CHN2: variants seen among roughly 807,000 people sequenced by gnomAD.
CHN2 encodes chimerin 2, also known as beta-chimaerin.
A neutral mutation model predicts 56.3 loss-of-function variants in CHN2; 35 were observed. The observed-to-expected ratio is 0.62, with a 90% CI of 0.47 to 0.82. The LOEUF is 0.82. CHN2 is among the 40% of genes least tolerant of loss of function. The probability of loss-of-function intolerance (pLI) is 0.00; values close to 1 mark genes in which losing one functional copy is unlikely to be tolerated. For synonymous variants in CHN2, 210 were observed against 212.8 expected (o/e 0.99, Z 0.12); for missense variants, 491 against 580.5 (o/e 0.85, Z 1.58).
chr7:29,346,309 C>A (rs776309758), intron 1 of CHN2, among the ~76,000 whole-genome samples: 1 of 152,218 alleles, frequency 6.6e-6, no homozygotes, highest in African/African-American at 2.4e-5. Flanking sequence ...TGCACAGACA[C>A]AACATCCCAC....
intron 2 of CHN2, among the ~76,000 whole-genome samples, chr7:29,166,442 A>C (rs576742079): frequency 6.6e-6 from 1 of 151,954 alleles, no homozygotes; most frequent in Non-Finnish European, 1.5e-5. Flanking sequence ...TCTTGGCTTG[A>C]TGTGTTTTCT....
chr7:29,255,919 A>G (rs1789039469), intron 1 of CHN2, among the ~76,000 whole-genome samples: 2 of 152,176 alleles, frequency 1.3e-5, no homozygotes, highest in South Asian at 2.1e-4. Flanking sequence ...GTTTAATGCT[A>G]TTAAATGCAA....
chr7:29,274,486 G>T (rs930621641), intron 1 of CHN2, among the ~76,000 whole-genome samples: 4 of 152,130 alleles, frequency 2.6e-5, no homozygotes, highest in Admixed American at 6.5e-5. Context: ...TATTTCCTGG[G>T]TGCAAAATCA....
intron 1 of CHN2, among the ~76,000 whole-genome samples, chr7:29,211,163 C>T (rs969325123): frequency 6.6e-5 from 10 of 151,840 alleles, no homozygotes; most frequent in African/African-American, 1.9e-4. Context: ...CTCCGCCTCC[C>T]GGGTTCACGC....
rs1289939288 is a variant in CHN2 at position 29,146,623 on chromosome 7, C to G, written c.40C>G (p.Pro14Ala). ...CAGGGCAAAAAGTGCGTCGTCGTGT[C>G]CCAACCTCCTGGTCCCAGAAACCTG... The change falls in exon 1 of 7, where the codon CCC becomes GCC. Residue 14 changes from proline (P) to alanine (A), a missense_variant. Transcript: ENST00000439384. 3.9e-6 allele frequency: 6 copies of G among 1,550,526 alleles called. No individual in the cohort carries two copies. The South Asian group carries it at 7.1e-5, about 18-fold the overall frequency.
rs1448277656 is a variant in CHN2, at chr7:29,211,065, T to TG, written c.49+16075_49+16076insG. ...GATCTGACTTAGGTGTTTTGTTTTT[T>TG]TTTTTGTTGTTGTTGTTGTTGTTGA... On this transcript the variant is annotated intron_variant, in intron 1 of 12. Coordinates refer to ENST00000222792, the MANE Select transcript of CHN2 (RefSeq NM_004067.4). Among the ~76,000 whole-genome samples the TG allele has an allele frequency of 6.0e-3, 602 of 100,466 alleles. 3 individuals are homozygous for TG. Among genetic ancestry groups the TG allele is most frequent in the Admixed American group, 9.8e-3 (97 of 9,858 alleles). 65.9% of individuals were successfully genotyped at this position (100,466 alleles called of 152,430 possible).
intron 10 of CHN2, among the ~76,000 whole-genome samples, chr7:29,506,579 G>A (rs528006806): frequency 6.6e-6 from 1 of 152,296 alleles, no homozygotes; most frequent in South Asian, 2.1e-4. Flanking sequence ...GGAGGTTGCA[G>A]TGAACCAAGA....
chr7:29,335,297 A>G (rs901805970), intron 1 of CHN2, among the ~76,000 whole-genome samples: 4 of 152,250 alleles, frequency 2.6e-5, no homozygotes, highest in Non-Finnish European at 2.9e-5. Context: ...CAAAGGTTGC[A>G]TATGAAAACC....
chr7:29,326,307 G>A (rs979843149), intron 1 of CHN2, among the ~76,000 whole-genome samples: 3 of 152,106 alleles, frequency 2.0e-5, no homozygotes, highest in Non-Finnish European at 4.4e-5. Flanking sequence ...ACAGGTGAGT[G>A]CCACCATGCC....
intron 3 of CHN2, among the ~76,000 whole-genome samples, chr7:29,375,138 C>T (rs925188811): frequency 2.6e-5 from 4 of 151,018 alleles, no homozygotes; most frequent in African/African-American, 9.7e-5. Context: ...GATCCACCCG[C>T]CTCAGCCTCC....
chr7:29,418,282 A>G (rs2128103649), intron 6 of CHN2, among the ~76,000 whole-genome samples: 1 of 152,362 alleles, frequency 6.6e-6, no homozygotes, highest in Middle Eastern at 3.4e-3. Context: ...ACACCCAAGT[A>G]GGGAGCAGGA....
intron 1 of CHN2, among the ~76,000 whole-genome samples, chr7:29,323,987 G>A (rs1795587911): frequency 6.6e-6 from 1 of 151,784 alleles, no homozygotes; most frequent in Non-Finnish European, 1.5e-5. Context: ...CTGGGCGACA[G>A]AGCGAGACCC....
intron 8 of CHN2, 96 bp from the exon 9 acceptor site, chr7:29,499,771 C>A (rs1789739843): frequency 3.4e-6 from 4 of 1,172,618 alleles, no homozygotes; most frequent in Non-Finnish European, 4.8e-6. Context: ...ATGTCAAACC[C>A]TTGGGTGGTG....
chr7:29,284,045 C>T (rs145942216), intron 1 of CHN2, among the ~76,000 whole-genome samples: 1 of 145,590 alleles, frequency 6.9e-6, no homozygotes, highest in Non-Finnish European at 1.5e-5. Flanking sequence ...CTGTCTGTAG[C>T]TGGGACTACA....
chr7:29,195,559 G>A (rs1025807945), intron 1 of CHN2: 1 of 150,968 alleles, frequency 6.6e-6, no homozygotes, highest in East Asian at 2.0e-4. Flanking sequence ...TAGGGGAAGA[G>A]AGGTCGAGCC....
At chr7:29,450,577 T>C (rs1285426767) in intron 6 of CHN2, among the ~76,000 whole-genome samples, 1 of 152,104 alleles carries the variant, frequency 6.6e-6, no homozygotes, top group African/African-American at 2.4e-5. Flanking sequence ...CTGGAACAGA[T>C]TCTCTCCTAG....
At chr7:29,508,150 A>G (rs1312620163) in intron 11 of CHN2, among the ~76,000 whole-genome samples, 1 of 152,198 alleles carries the variant, frequency 6.6e-6, no homozygotes, top group African/African-American at 2.4e-5. Flanking sequence ...CAAGGCTTGG[A>G]GAGCTGAGCT....
intron 6 of CHN2, among the ~76,000 whole-genome samples, chr7:29,424,155 A>T (rs1017904076): frequency 1.1e-4 from 16 of 152,214 alleles, no homozygotes; most frequent in Non-Finnish European, 1.0e-4. Context: ...AGAAGAAGTT[A>T]TTTTTTGGTG....
chr7:29,383,237 T>C (rs138650355), intron 3 of CHN2, among the ~76,000 whole-genome samples: 42 of 152,236 alleles, frequency 2.8e-4, no homozygotes, highest in Middle Eastern at 3.4e-3. Context: ...TGTGTGTATG[T>C]GTGTGTGTGC....
Sources: allele counts gnomAD v4.1 joint callset (sites outside exome capture counted in the v4.1 genomes callset), GRCh38; gene constraint gnomAD v4.1.1; transcripts MANE v1.5; gene names NCBI Gene and HGNC (gene_info 2026-07-23, HGNC 2026-07-21).